Variants in LRRC8E observed in about 807,000 individuals in gnomAD.
LRRC8E encodes leucine rich repeat containing 8 VRAC subunit E.
LRRC8E carries 6 observed loss-of-function variants against 6.1 expected under a neutral mutation model. The observed-to-expected ratio is 0.98, with a 90% confidence interval of 0.54 to 1.93. LRRC8E has a LOEUF of 1.93. LRRC8E is among the 30% of genes most tolerant of loss of function. LRRC8E has a pLI of 0.01. For missense variants in LRRC8E, 1,028 were observed against 1,031.4 expected, an observed-to-expected ratio of 1.00 and a Z score of 0.04; for synonymous variants, 485 against 472.8, an observed-to-expected ratio of 1.03 and a Z score of -0.33.
In LRRC8E at chr19:7,895,302, C is replaced by T. The variant is rs559909605; in HGVS notation, c.-5-297C>T. ...GGGGCCACCCGAGGAGGCTGGAGGGCGGCGGCCCTGTGGACTATCCCTCAT... is the reference window on the plus strand; with the variant it reads ...GGGGCCACCCGAGGAGGCTGGAGGGTGGCGGCCCTGTGGACTATCCCTCAT... On this transcript the variant is annotated intron_variant, in intron 1 of 2. Coordinates refer to ENST00000306708, the MANE Select transcript of LRRC8E (RefSeq NM_025061.6). The surrounding 1 kb of genome is among the most constrained non-coding windows in gnomAD (Gnocchi z 4.7). 2.7e-4 allele frequency: 82 copies of T among 300,314 alleles called. No individual in the cohort carries two copies. The highest frequency in any genetic ancestry group is 6.4e-6 in the Non-Finnish European group (1 of 157,062). 18.6% of individuals were successfully genotyped at this position (300,314 alleles called of 1,614,324 possible). A position where few individuals can be genotyped will look rare whatever the true frequency, so the allele number is the denominator to read the frequency against.
In LRRC8E at chr19:7,889,754, CT is replaced by C. The variant is rs556208936; in HGVS notation, c.-6+1167del. ...CAAGACTCTATCTCTCTCTCTCTCT[CT>C]TTTTTTTTTTTTCAAGATAGAGTCT... On this transcript the variant is annotated intron_variant, in intron 1 of 2. Transcript: ENST00000306708. Among the ~76,000 whole-genome samples the C allele has an allele frequency of 5.4e-4, 65 of 120,950 alleles. 1 individual carries two copies. Among genetic ancestry groups the C allele is most frequent in the African/African-American group, 1.0e-3 (37 of 36,568 alleles). The allele number at this position is 120,950 out of a possible 152,430, so 79.3% of individuals were successfully genotyped here.
intron 1 of LRRC8E, among the ~76,000 whole-genome samples, chr19:7,893,196 C>T (rs779169861): frequency 3.3e-5 from 5 of 152,202 alleles, no homozygotes; most frequent in Admixed American, 6.5e-5. Flanking sequence ...TTAGTAGAGA[C>T]GGGGTTTCAT....
chr19:7,894,011 G>C (rs987763966), intron 1 of LRRC8E, among the ~76,000 whole-genome samples: 1 of 152,052 alleles, frequency 6.6e-6, no homozygotes, highest in African/African-American at 2.4e-5. Flanking sequence ...ATCCTACCTT[G>C]TTTTAACCCA....
chr19:7,890,412 A>C (rs1003269257), intron 1 of LRRC8E, among the ~76,000 whole-genome samples: 1 of 151,980 alleles, frequency 6.6e-6, no homozygotes. Flanking sequence ...GTTTTTTGAG[A>C]TAGAGTCTTG....
Position 7,895,476 on chromosome 19 carries a change from T to G in LRRC8E, c.-5-123T>G. ...AAGTGGGGGCACACACTTTGGTGGT[T>G]TGGACAAGTTTGGGCAGGGAGGGTC... On this transcript the variant is annotated intron_variant, in intron 1 of 2. Coordinates refer to ENST00000306708, the MANE Select transcript of LRRC8E (RefSeq NM_025061.6). This position sits in a 1 kb window ranked among gnomAD's most constrained non-coding sequence, Gnocchi z 4.7. 3 of 1,231,798 alleles carry G rather than the reference T, an allele frequency of 2.4e-6. No homozygotes were observed. The South Asian group carries it at 4.2e-5, about 17-fold the overall frequency. 76.3% of individuals were successfully genotyped at this position (1,231,798 alleles called of 1,614,324 possible).
At chr19:7,889,010 C>T (rs985769790) in intron 1 of LRRC8E, among the ~76,000 whole-genome samples, 1 of 152,184 alleles carries the variant, frequency 6.6e-6, no homozygotes, top group East Asian at 1.9e-4. Context: ...CTTGAACTTA[C>T]ACATGTCCCA....
At chr19:7,896,746 A>C (rs1261110543) in intron 2 of LRRC8E, among the ~76,000 whole-genome samples, 1 of 151,950 alleles carries the variant, frequency 6.6e-6, no homozygotes, top group Non-Finnish European at 1.5e-5. Flanking sequence ...GGCACACACC[A>C]CCACGTCCAG....
rs1440036672 is a variant in LRRC8E, at chr19:7,900,324, T to C, written c.1802T>C (p.Val601Ala). The change falls in exon 3 of 3, where the codon GTG (valine) becomes GCG (alanine). Residue 601 changes from valine to alanine, a missense_variant. Coordinates refer to ENST00000306708, the MANE Select transcript of LRRC8E (RefSeq NM_025061.6). This position sits in a 1 kb window ranked among gnomAD's most constrained non-coding sequence, Gnocchi z 5.0. Reference sequence around the variant, plus strand: ...GGGCTGGAGCGCATCCCCCATGCAGTGTTCAGCCTGGGTGCGCTGCAGGAA... The same window carrying C: ...GGGCTGGAGCGCATCCCCCATGCAGCGTTCAGCCTGGGTGCGCTGCAGGAA... ...ACGLERIPHA[V>A]FSLGALQELD... The C allele has an allele frequency of 1.9e-6, 3 of 1,613,230 alleles. No individual in the cohort carries two copies. Among genetic ancestry groups the C allele is most frequent in the Non-Finnish European group, 2.5e-6 (3 of 1,179,958 alleles).
chr19:7,895,585 G>A lies in LRRC8E; in HGVS notation c.-5-14G>A, dbSNP rs375359594. On this transcript the variant is annotated splice_polypyrimidine_tract_variant and intron_variant, in intron 1 of 2. Coordinates refer to ENST00000306708, the MANE Select transcript of LRRC8E (RefSeq NM_025061.6). This position sits in a 1 kb window ranked among gnomAD's most constrained non-coding sequence, Gnocchi z 4.7. ...GGTCTCTCTCTACACCCCCCGTCTC[G>A]TCCCGTCCCACAGGCAGCATGATCC... 852 of 1,609,090 alleles carry A rather than the reference G, an allele frequency of 5.3e-4. No individual in the cohort carries two copies. The highest frequency in any genetic ancestry group is 1.7e-3 in the East Asian group (75 of 44,734).
At position 7,899,757 on chromosome 19, in the gene LRRC8E, A is replaced by G; in HGVS notation, c.1235A>G (p.Gln412Arg). 6.2e-7 allele frequency: 1 copy of G among 1,611,734 alleles called. No homozygotes were observed. The change falls in exon 3 of 3, where the codon CAG becomes CGG. Residue 412 changes from glutamine (Q) to arginine (R), a missense_variant. Gln to Arg is a conservative substitution (Grantham distance 43, BLOSUM62 1). Coordinates refer to ENST00000306708, the MANE Select transcript of LRRC8E (RefSeq NM_025061.6). ...CCCGAGAAGCTTCGACAGAAGCTGC[A>G]GCGCAATGCCGCGGGCCGGCTGGAG... The part of the protein sequence containing the change: ...WTPEKLRQKL[Q>R]RNAAGRLELA...
chr19:7,894,203 G>T (rs967114674), intron 1 of LRRC8E, among the ~76,000 whole-genome samples: 1 of 152,084 alleles, frequency 6.6e-6, no homozygotes, highest in Non-Finnish European at 1.5e-5. Flanking sequence ...CCCAACTCCT[G>T]TCCCGTTACA....
At chr19:7,898,360 T>C (rs1981715240) in intron 2 of LRRC8E, among the ~76,000 whole-genome samples, 1 of 152,066 alleles carries the variant, frequency 6.6e-6, no homozygotes, top group Non-Finnish European at 1.5e-5. Flanking sequence ...TCTCTCTTTT[T>C]TAAATTAATT....
At position 7,898,918 on chromosome 19, in the gene LRRC8E, C is replaced by T. The variant is rs2145110690; in HGVS notation, c.396C>T (p.Cys132=). ...VVIHTLIFMV[C]TSFWFKFPGT... ...TTCACACACTCATCTTCATGGTCTGCACCAGTTTCTGGTTCAAGTTCCCTG... is the reference window on the plus strand; with the variant it reads ...TTCACACACTCATCTTCATGGTCTGTACCAGTTTCTGGTTCAAGTTCCCTG... Residue 132 remains cysteine, a synonymous_variant, in exon 3 of 3, where the codon TGC becomes TGT. Coordinates refer to ENST00000306708, the MANE Select transcript of LRRC8E (RefSeq NM_025061.6). The T allele has an allele frequency of 6.2e-7, 1 of 1,614,234 alleles. No homozygotes were observed. Among genetic ancestry groups the T allele is most frequent in the Non-Finnish European group, 8.5e-7 (1 of 1,180,038 alleles).
chr19:7,894,377 C>T (rs1038311352), intron 1 of LRRC8E, among the ~76,000 whole-genome samples: 2 of 152,178 alleles, frequency 1.3e-5, no homozygotes, highest in Admixed American at 6.5e-5. Flanking sequence ...GTGTGTGTCA[C>T]CACACCTGGT....
At position 7,899,498 on chromosome 19, in the gene LRRC8E, A is replaced by G; in HGVS notation, c.976A>G (p.Thr326Ala). Residue 326 changes from threonine (T) to alanine (A), a missense_variant, in exon 3 of 3, where the codon ACC (threonine) becomes GCC (alanine). Transcript: ENST00000306708. Reference protein sequence around the residue: ...YISFVCIYGLTCIYTLYWLFH... With the variant: ...YISFVCIYGLACIYTLYWLFH... ...CTCCTTTGTGTGCATCTACGGACTT[A>G]CCTGCATCTACACGCTCTACTGGCT... 6.2e-7 allele frequency: 1 copy of G among 1,613,988 alleles called. No homozygotes were observed. Among genetic ancestry groups the G allele is most frequent in the South Asian group, 1.1e-5 (1 of 91,054 alleles).
In LRRC8E at chr19:7,895,483, A is replaced by G; in HGVS notation, c.-5-116A>G. On this transcript the variant is annotated intron_variant, in intron 1 of 2. Transcript: ENST00000306708. The surrounding 1 kb of genome is among the most constrained non-coding windows in gnomAD (Gnocchi z 4.7). ...GGCACACACTTTGGTGGTTTGGACA[A>G]GTTTGGGCAGGGAGGGTCACAGGCC... 7.5e-7 allele frequency: 1 copy of G among 1,329,756 alleles called. No individual in the cohort carries two copies. The highest frequency in any genetic ancestry group is 1.1e-6 in the Non-Finnish European group (1 of 950,900). The allele number at this position is 1,329,756 out of a possible 1,614,324, so 82.4% of individuals were successfully genotyped here.
intron 2 of LRRC8E, among the ~76,000 whole-genome samples, chr19:7,897,460 G>A (rs1040685588): frequency 6.6e-6 from 1 of 150,634 alleles, no homozygotes. Context: ...TTACAGGCAT[G>A]AGCCACTGCG....
rs1269542793 is a variant in LRRC8E at position 7,900,628 on chromosome 19, G to C, written c.2106G>C (p.Gln702His). The C allele has an allele frequency of 1.2e-6, 2 of 1,613,394 alleles. No individual in the cohort carries two copies. The highest frequency in any genetic ancestry group is 1.7e-6 in the Non-Finnish European group (2 of 1,180,038). The change falls in exon 3 of 3, where the codon CAG (glutamine) becomes CAC (histidine). Residue 702 changes from glutamine (Q) to histidine (H), a missense_variant. By Grantham distance (24) the Gln-to-His change is conservative (BLOSUM62 0). Coordinates refer to ENST00000306708, the MANE Select transcript of LRRC8E (RefSeq NM_025061.6). This position sits in a 1 kb window ranked among gnomAD's most constrained non-coding sequence, Gnocchi z 5.0. ...PPEVGLLQNLQHLALSYNALE... is the reference protein window; with the variant it reads ...PPEVGLLQNLHHLALSYNALE... ...AGGTGGGCCTCCTGCAGAACCTACA[G>C]CACCTGGCCCTCTCCTACAATGCCC...
chr19:7,900,541 C>A lies in LRRC8E; in HGVS notation c.2019C>A (p.Gly673=). Residue 673 remains glycine (G), a synonymous_variant, in exon 3 of 3, where the codon GGC becomes GGA. Coordinates refer to ENST00000306708, the MANE Select transcript of LRRC8E (RefSeq NM_025061.6). The surrounding 1 kb of genome is among the most constrained non-coding windows in gnomAD (Gnocchi z 5.0). ...NKLETLPSQL[G]LCSGLRLLDV... ...TGGAGACCCTGCCCTCCCAGCTCGG[C>A]CTGTGCTCAGGCCTCCGTCTGCTGG... The A allele has an allele frequency of 6.2e-7, 1 of 1,613,094 alleles. No homozygotes were observed. Among genetic ancestry groups the A allele is most frequent in the Non-Finnish European group, 8.5e-7 (1 of 1,180,032 alleles).
Sources: allele counts gnomAD v4.1 joint callset (sites outside exome capture counted in the v4.1 genomes callset), GRCh38; gene constraint gnomAD v4.1.1; non-coding constraint Gnocchi (gnomAD v3.1); transcripts MANE v1.5; gene names NCBI Gene and HGNC (gene_info 2026-07-23, HGNC 2026-07-21).